ASIC2: variants seen among roughly 807,000 people sequenced by gnomAD.
ASIC2 encodes the protein acid-sensing ion channel 2.
ASIC2 carries 25 observed loss-of-function variants against 57.3 expected under a neutral mutation model. The observed-to-expected ratio is 0.44, with a 90% CI of 0.32 to 0.61. The LOEUF is 0.61. Among genes scored for constraint, ASIC2 ranks in the 20% least tolerant of loss-of-function variants. The pLI is 0.06. For synonymous variants in ASIC2, 319 were observed against 307.5 expected, an observed-to-expected ratio of 1.04 and a Z score of -0.39; for missense variants, 641 against 738.1, an observed-to-expected ratio of 0.87 and a Z score of 1.52.
chr17:33,269,509 C>G (rs1174949898), intron 1 of ASIC2, among the ~76,000 whole-genome samples: 1 of 152,244 alleles, frequency 6.6e-6, no homozygotes, highest in African/African-American at 2.4e-5. Context: ...GCCTCCTGGC[C>G]TGGAGCCTAG....
intron 1 of ASIC2, among the ~76,000 whole-genome samples, chr17:34,073,177 ACT>A (rs1239868005): frequency 6.6e-6 from 1 of 152,146 alleles, no homozygotes; most frequent in Non-Finnish European, 1.5e-5. Flanking sequence ...GATTCTGCAC[ACT>A]CTATAGTCTC....
At chr17:34,127,826 C>A (rs978403301) in intron 1 of ASIC2, among the ~76,000 whole-genome samples, 3 of 152,150 alleles carry the variant, frequency 2.0e-5, no homozygotes, top group Non-Finnish European at 2.9e-5. Context: ...GTACAAAGAG[C>A]AAATTCAGGG....
chr17:33,521,952 C>T (rs746895143), intron 1 of ASIC2, among the ~76,000 whole-genome samples: 8 of 152,312 alleles, frequency 5.3e-5, no homozygotes, highest in Admixed American at 1.3e-4. Context: ...CTGGCAACTG[C>T]GGGCAGTGTG....
chr17:33,605,743 T>A (rs1231336937), intron 1 of ASIC2, among the ~76,000 whole-genome samples: 1 of 152,220 alleles, frequency 6.6e-6, no homozygotes, highest in Non-Finnish European at 1.5e-5. Flanking sequence ...AAGGAGATTC[T>A]AGATCCCGCT....
intron 3 of ASIC2, among the ~76,000 whole-genome samples, chr17:33,078,082 C>A (rs1244073755): frequency 2.0e-5 from 3 of 152,120 alleles, no homozygotes; most frequent in Admixed American, 2.0e-4. Flanking sequence ...GGCAGCAGGA[C>A]CAACCAAAGC....
At chr17:33,516,415 T>A (rs79893492) in intron 1 of ASIC2, among the ~76,000 whole-genome samples, 2 of 44,324 alleles carry the variant, frequency 4.5e-5, no homozygotes, top group Non-Finnish European at 1.1e-4. Context: ...TGAGTGTGTG[T>A]GTGTGTGTGT....
At position 33,412,016 on chromosome 17, in the gene ASIC2, CAAACA is replaced by C. The variant is rs200144290; in HGVS notation, c.556-299954_556-299950del. 1.8e-3 allele frequency among the ~76,000 whole-genome samples: 274 copies of C among 151,810 alleles called. 3 individuals carry two copies. The highest frequency in any genetic ancestry group is 3.4e-3 in the Middle Eastern group (1 of 294). ...TTTGAGTGAAAGCTCAAGAAAAATGCAAACAAAACAAAACAAAACAAAACAAAACA... is the reference window on the plus strand; with the variant it reads ...TTTGAGTGAAAGCTCAAGAAAAATGCAAACAAAACAAAACAAAACAAAACA... On this transcript the variant is annotated intron_variant, in intron 1 of 9. Coordinates refer to the ASIC2 transcript ENST00000359872.
chr17:33,329,137 T>G lies in ASIC2; in HGVS notation c.556-217070A>C, dbSNP rs553803100. 5.3e-5 allele frequency among the ~76,000 whole-genome samples: 8 copies of G among 152,298 alleles called. No individual in the cohort carries two copies. The South Asian group carries it at 1.7e-3, about 32-fold the overall frequency. Reference sequence around the variant, plus strand: ...GTCAGAGACAGCATGGAGTAGTTGATAGAGTAGCTGCAGGTTCAAATCCCA... The same window carrying G: ...GTCAGAGACAGCATGGAGTAGTTGAGAGAGTAGCTGCAGGTTCAAATCCCA... On this transcript the variant is annotated intron_variant, in intron 1 of 9. Transcript: ENST00000359872.
intron 1 of ASIC2, among the ~76,000 whole-genome samples, chr17:33,500,040 T>TAA (rs138755090): frequency 2.7e-5 from 4 of 149,058 alleles, no homozygotes; most frequent in African/African-American, 9.9e-5. Context: ...ACAGTTTAAT[T>TAA]AAAAAAAAAG....
At chr17:34,009,184 A>G (rs1906630008) in intron 1 of ASIC2, among the ~76,000 whole-genome samples, 1 of 152,154 alleles carries the variant, frequency 6.6e-6, no homozygotes, top group Admixed American at 6.5e-5. Context: ...ACCTCTGGGA[A>G]GTCAAATGAA....
chr17:33,870,751 T>A (rs1041115095), intron 1 of ASIC2, among the ~76,000 whole-genome samples: 1 of 152,178 alleles, frequency 6.6e-6, no homozygotes, highest in Non-Finnish European at 1.5e-5. Context: ...TTAGAACAGA[T>A]CTTCTCCATC....
At chr17:34,128,229 G>A (rs1261235113) in intron 1 of ASIC2, among the ~76,000 whole-genome samples, 1 of 152,184 alleles carries the variant, frequency 6.6e-6, no homozygotes, top group East Asian at 1.9e-4. Context: ...GGTAAAGGGA[G>A]GCAAAGTAGT....
At chr17:33,084,991 T>C (rs1481717823) in intron 3 of ASIC2, among the ~76,000 whole-genome samples, 1 of 152,202 alleles carries the variant, frequency 6.6e-6, no homozygotes, top group African/African-American at 2.4e-5. Context: ...GTGGTGTGTG[T>C]GTAATTATGC....
chr17:33,465,372 C>CTTT (rs67424466), intron 1 of ASIC2, among the ~76,000 whole-genome samples: 7 of 88,278 alleles, frequency 7.9e-5, no homozygotes, highest in African/African-American at 2.6e-4. Context: ...TTTTCTTTTT[C>CTTT]TTTTTTTTTT....
chr17:33,928,472 C>T (rs116543765), intron 1 of ASIC2, among the ~76,000 whole-genome samples: 1 of 152,226 alleles, frequency 6.6e-6, no homozygotes, highest in African/African-American at 2.4e-5. Context: ...TACACCTATG[C>T]TCTTTATGAT....
Position 33,978,185 on chromosome 17 carries a change from A to G in ASIC2, c.555+177793T>C, listed in dbSNP as rs144530742. Among the ~76,000 whole-genome samples, 1,451 of 152,236 alleles carry G rather than the reference A, an allele frequency of 9.5e-3. 19 individuals carry two copies. Among genetic ancestry groups the G allele is most frequent in the African/African-American group, 0.033 (1,386 of 41,534 alleles). ...GCTTCTCCACTGGATGGTAAACCCCACTCAGTGTCTTCCCTATTATCACAC... is the reference window on the plus strand; with the variant it reads ...GCTTCTCCACTGGATGGTAAACCCCGCTCAGTGTCTTCCCTATTATCACAC... On this transcript the variant is annotated intron_variant, in intron 1 of 9. Coordinates refer to the ASIC2 transcript ENST00000359872.
intron 1 of ASIC2, among the ~76,000 whole-genome samples, chr17:33,191,532 G>T (rs1179300597): frequency 6.6e-6 from 1 of 151,912 alleles, no homozygotes. Context: ...AGAAGAAGAA[G>T]AAGGGATAGA....
chr17:34,065,166 CAT>C (rs765294894), intron 1 of ASIC2, among the ~76,000 whole-genome samples: 2 of 152,012 alleles, frequency 1.3e-5, no homozygotes, highest in Non-Finnish European at 2.9e-5. Flanking sequence ...GAAATTGTGG[CAT>C]ATATATGTGA....
intron 1 of ASIC2, among the ~76,000 whole-genome samples, chr17:33,768,556 C>T (rs1227220912): frequency 1.3e-5 from 2 of 152,118 alleles, no homozygotes; most frequent in African/African-American, 4.8e-5. Context: ...ATATCATGTA[C>T]TGAAATTAAT....
Sources: allele counts gnomAD v4.1 joint callset (sites outside exome capture counted in the v4.1 genomes callset), GRCh38; gene constraint gnomAD v4.1.1; transcripts MANE v1.5; gene names NCBI Gene and HGNC (gene_info 2026-07-23, HGNC 2026-07-21).